COL5A1: variants seen among roughly 807,000 people sequenced by gnomAD.
COL5A1 encodes the protein collagen alpha-1(V) chain.
Under a neutral mutation model 263.7 loss-of-function variants are expected in COL5A1, and 16 were observed. The observed-to-expected ratio is 0.06, with a 90% CI of 0.04 to 0.09. The LOEUF is 0.09. Ranked by LOEUF, COL5A1 falls within the 10% of genes least tolerant of loss-of-function variation. The pLI, the probability that COL5A1 is intolerant of heterozygous loss-of-function variation, is 1.00. For synonymous variants in COL5A1, 1,012 were observed against 1,004.5 expected (o/e 1.01, Z -0.14); for missense variants, 2,036 against 2,540.5 (o/e 0.80, Z 4.27).
In COL5A1 at chr9:134,755,062, A is replaced by G. The variant is rs1835920227; in HGVS notation, c.1827+736A>G. ...ATGGGTCCTTCCCTAGTGGTTCTGG[A>G]TGCTCCTGACTTGGGGAGCAAGCTG... On this transcript the variant is annotated intron_variant, in intron 16 of 65. Transcript: ENST00000371817. This position sits in a 1 kb window ranked among gnomAD's most constrained non-coding sequence, Gnocchi z 4.1. Among the ~76,000 whole-genome samples the G allele has an allele frequency of 6.6e-6, 1 of 152,080 alleles. No homozygotes were observed. Among genetic ancestry groups the G allele is most frequent in the Non-Finnish European group, 1.5e-5 (1 of 68,034 alleles).
intron 24 of COL5A1, 95 bp downstream of exon 24, chr9:134,767,449 C>T: frequency 8.6e-7 from 1 of 1,164,240 alleles, no homozygotes. Flanking sequence ...CACCAGCTCT[C>T]AATGTATATC....
At position 134,817,038 on chromosome 9, in the gene COL5A1, C is replaced by T. The variant is rs61739195; in HGVS notation, c.4135C>T (p.Pro1379Ser). 7.7e-3 allele frequency: 12,397 copies of T among 1,613,868 alleles called. 81 individuals carry two copies. Among genetic ancestry groups the T allele is most frequent in the Middle Eastern group, 0.029 (177 of 6,058 alleles). The change falls in exon 53 of 66, where the codon CCT becomes TCT. Residue 1379 changes from proline (P) to serine (S), a missense_variant. Transcript: ENST00000371817. ...GEPGQTGSPG[P>S]TGEPGPSGPP... ...CTCCCAATACCAGGGATCCCCCGGCCCTACTGGTGAACCAGGTCCATCGGG... is the reference window on the plus strand; with the variant it reads ...CTCCCAATACCAGGGATCCCCCGGCTCTACTGGTGAACCAGGTCCATCGGG...
At position 134,824,538 on chromosome 9, in the gene COL5A1, C is replaced by T. The variant is rs1393473033; in HGVS notation, c.4699-62C>T. ...TGTGGCCCCAGCTGTCCCTGCTCTG[C>T]TCATATCCTGGGACCCTTCCCATCC... On this transcript the variant is annotated intron_variant, in intron 61 of 65. Coordinates refer to ENST00000371817, the MANE Select transcript of COL5A1 (RefSeq NM_000093.5). 3.1e-6 allele frequency: 5 copies of T among 1,604,950 alleles called. No individual in the cohort carries two copies. In the South Asian group the frequency reaches 5.5e-5, roughly 18 times the overall value.
At chr9:134,813,707 C>T (rs1042745291) in intron 48 of COL5A1, among the ~76,000 whole-genome samples, 6 of 152,260 alleles carry the variant, frequency 3.9e-5, no homozygotes, top group Non-Finnish European at 8.8e-5. Flanking sequence ...CATAGTTGCC[C>T]TCCACAACCC....
intron 1 of COL5A1, among the ~76,000 whole-genome samples, chr9:134,674,558 C>T (rs1832635505): frequency 6.6e-6 from 1 of 151,888 alleles, no homozygotes. Context: ...ACAGCACTAT[C>T]CATTTGTCCA....
intron 18 of COL5A1, among the ~76,000 whole-genome samples, chr9:134,760,923 ACACACATG>A (rs1254878701): frequency 6.3e-5 from 9 of 142,038 alleles, no homozygotes; most frequent in Non-Finnish European, 6.0e-5. Flanking sequence ...ACACACACGT[ACACACATG>A]CACACACATG....
In COL5A1 at chr9:134,681,796, TAG is replaced by T. The variant is rs1564383645; in HGVS notation, c.110-9112_110-9111del. On this transcript the variant is annotated intron_variant, in intron 1 of 65. Coordinates refer to ENST00000371817, the MANE Select transcript of COL5A1 (RefSeq NM_000093.5). The surrounding 1 kb of genome is among the most constrained non-coding windows in gnomAD (Gnocchi z 4.3). Reference sequence around the variant, plus strand: ...TGAAGACCTCAAGCTTGGGGTTATTTAGAGACTCTCAAGTTTTTCTTGAAGTT... The same window carrying T: ...TGAAGACCTCAAGCTTGGGGTTATTTAGACTCTCAAGTTTTTCTTGAAGTT... Among the ~76,000 whole-genome samples the T allele has an allele frequency of 1.3e-5, 2 of 152,208 alleles. No homozygotes were observed. The highest frequency in any genetic ancestry group is 2.9e-5 in the Non-Finnish European group (2 of 68,036).
intron 1 of COL5A1, among the ~76,000 whole-genome samples, chr9:134,683,575 T>C (rs1186925451): frequency 6.6e-6 from 1 of 152,224 alleles, no homozygotes. Context: ...TGCATCCTCT[T>C]ACACCCTCTC....
rs1331861958 is a variant in COL5A1 at position 134,841,736 on chromosome 9, T to C, written c.5371-421T>C. On this transcript the variant is annotated intron_variant, in intron 65 of 65. Transcript: ENST00000371817. The surrounding 1 kb of genome is among the most constrained non-coding windows in gnomAD (Gnocchi z 4.8). ...TTTCGAACCTGGAGCCCCCGTTTGATTTTCCAGTGTGCCCTGCTTGTTCTG... is the reference window on the plus strand; with the variant it reads ...TTTCGAACCTGGAGCCCCCGTTTGACTTTCCAGTGTGCCCTGCTTGTTCTG... 1.3e-5 allele frequency among the ~76,000 whole-genome samples: 2 copies of C among 152,078 alleles called. No individual in the cohort carries two copies. The highest frequency in any genetic ancestry group is 2.9e-5 in the Non-Finnish European group (2 of 67,994).
chr9:134,693,424 C>A (rs1053635288), intron 2 of COL5A1, among the ~76,000 whole-genome samples: 1 of 152,164 alleles, frequency 6.6e-6, no homozygotes, highest in Admixed American at 6.5e-5. Flanking sequence ...TTTAAGTTTT[C>A]CAAAGTGCTT....
chr9:134,792,801 G>A (rs1171125712), intron 32 of COL5A1, among the ~76,000 whole-genome samples: 1 of 135,250 alleles, frequency 7.4e-6, no homozygotes. Context: ...GTGTGCATGT[G>A]TGCGTGCATG....
chr9:134,783,130 G>T (rs772065168), intron 29 of COL5A1, among the ~76,000 whole-genome samples: 8 of 152,228 alleles, frequency 5.3e-5, no homozygotes, highest in Non-Finnish European at 1.0e-4. Flanking sequence ...GAGCGCAGCT[G>T]CTGCCCAGGC....
At chr9:134,675,825 TAAG>T (rs1832671233) in intron 1 of COL5A1, among the ~76,000 whole-genome samples, 3 of 152,184 alleles carry the variant, frequency 2.0e-5, no homozygotes, top group Non-Finnish European at 4.4e-5. Flanking sequence ...GTCTTGGTCC[TAAG>T]AAGGAGCATT....
At chr9:134,830,858 G>A (rs529308541) in intron 64 of COL5A1, among the ~76,000 whole-genome samples, 45 of 152,320 alleles carry the variant, frequency 3.0e-4, no homozygotes, top group South Asian at 1.4e-3. Flanking sequence ...TGCTTCTGCC[G>A]CGTGGAGTGC....
At chr9:134,739,156 A>T (rs1306548728) in intron 11 of COL5A1, among the ~76,000 whole-genome samples, 5 of 152,174 alleles carry the variant, frequency 3.3e-5, no homozygotes, top group African/African-American at 9.6e-5. Flanking sequence ...GGGCAGCCAC[A>T]CCACGTGGAA....
At chr9:134,747,457 A>G (rs1047792097) in intron 11 of COL5A1, among the ~76,000 whole-genome samples, 1 of 152,156 alleles carries the variant, frequency 6.6e-6, no homozygotes, top group African/African-American at 2.4e-5. Flanking sequence ...ATGCATTCCC[A>G]CACAAACGTA....
At chr9:134,664,507 AC>A (rs1242957489) in intron 1 of COL5A1, among the ~76,000 whole-genome samples, 2 of 152,226 alleles carry the variant, frequency 1.3e-5, no homozygotes, top group Non-Finnish European at 2.9e-5. Flanking sequence ...AGTCCAGCAA[AC>A]AAACACCAAG....
At chr9:134,837,682 C>T (rs568848586) in intron 65 of COL5A1, among the ~76,000 whole-genome samples, 6 of 151,836 alleles carry the variant, frequency 4.0e-5, no homozygotes, top group Non-Finnish European at 8.8e-5. Flanking sequence ...CAGTGTCTCC[C>T]GGTGATGAGG....
Position 134,802,944 on chromosome 9 carries a change from A to G in COL5A1, c.3063A>G (p.Gly1021=). The change falls in exon 39 of 66, where the codon GGA becomes GGG. Residue 1021 remains glycine, a synonymous_variant. Transcript: ENST00000371817. ...AGCGTGGCCACCCTGGGCCCCCTGG[A>G]CCCCCCGGTGAACAGGGGCTTCCGG... ...MGERGHPGPP[G]PPGEQGLPGL... The G allele has an allele frequency of 6.2e-7, 1 of 1,611,060 alleles. No homozygotes were observed. The highest frequency in any genetic ancestry group is 8.5e-7 in the Non-Finnish European group (1 of 1,179,272).
Sources: gnomAD v4.1 joint callset for allele counts (sites outside exome capture counted in the v4.1 genomes callset) on GRCh38, gnomAD v4.1.1 for gene constraint, Gnocchi (gnomAD v3.1) non-coding constraint, MANE v1.5 for transcripts, NCBI Gene and HGNC (gene_info 2026-07-23, HGNC 2026-07-21) for gene names.